KCNAB1: variants seen among roughly 807,000 people sequenced by gnomAD.
KCNAB1 encodes the protein voltage-gated potassium channel subunit beta-1.
A neutral mutation model predicts 64.6 loss-of-function variants in KCNAB1; 35 were observed. The observed-to-expected ratio is 0.54, with a 90% CI of 0.41 to 0.72. The LOEUF (loss-of-function observed/expected upper bound fraction) is 0.72. Ranked by LOEUF, KCNAB1 falls within the 30% of genes least tolerant of loss-of-function variation. The pLI is 0.00. For synonymous variants in KCNAB1, 177 were observed against 183.8 expected, an observed-to-expected ratio of 0.96 and a Z score of 0.30; for missense variants, 401 against 512.9, an observed-to-expected ratio of 0.78 and a Z score of 2.11.
In KCNAB1 at chr3:156,173,515, G is replaced by C. The variant is rs574195534; in HGVS notation, c.275+52629G>C. On this transcript the variant is annotated intron_variant, in intron 1 of 13. Coordinates refer to ENST00000490337, the MANE Select transcript of KCNAB1 (RefSeq NM_172160.3). Reference sequence around the variant, plus strand: ...GGTCAGTAGGAAAGAAAATAGCATAGTTCATCTGGGTTTTACTTCCAGGTC... The same window carrying C: ...GGTCAGTAGGAAAGAAAATAGCATACTTCATCTGGGTTTTACTTCCAGGTC... 8.5e-5 allele frequency among the ~76,000 whole-genome samples: 13 copies of C among 152,288 alleles called. No homozygotes were observed. In the South Asian group the frequency reaches 2.7e-3, roughly 32 times the overall value.
At chr3:156,493,267 T>C (rs1715763983) in intron 8 of KCNAB1, among the ~76,000 whole-genome samples, 1 of 152,086 alleles carries the variant, frequency 6.6e-6, no homozygotes, top group South Asian at 2.1e-4. Flanking sequence ...GACTTCTTCC[T>C]CAGTAACCAC....
chr3:156,521,742 A>C (rs984350680), intron 11 of KCNAB1, among the ~76,000 whole-genome samples: 1 of 152,130 alleles, frequency 6.6e-6, no homozygotes, highest in African/African-American at 2.4e-5. Context: ...CTCATCTCCT[A>C]TCTCTGCTAA....
chr3:156,518,854 A>T (rs1717745089), intron 11 of KCNAB1, among the ~76,000 whole-genome samples: 1 of 152,164 alleles, frequency 6.6e-6, no homozygotes, highest in African/African-American at 2.4e-5. Context: ...TGTGTCTATT[A>T]GACATCTCCA....
intron 8 of KCNAB1, among the ~76,000 whole-genome samples, chr3:156,481,781 G>T (rs1406470336): frequency 6.6e-6 from 1 of 152,068 alleles, no homozygotes; most frequent in African/African-American, 2.4e-5. Flanking sequence ...CTGTACACTT[G>T]GGAAAAGCTA....
chr3:156,284,340 G>A (rs916228583), intron 1 of KCNAB1, among the ~76,000 whole-genome samples: 2 of 152,206 alleles, frequency 1.3e-5, no homozygotes, highest in Non-Finnish European at 2.9e-5. Context: ...ATCTCCAGCT[G>A]CGTGCTCGGA....
At position 156,229,543 on chromosome 3, in the gene KCNAB1, AG is replaced by A. The variant is rs145357340; in HGVS notation, c.275+108658del. On this transcript the variant is annotated intron_variant, in intron 1 of 13. Coordinates refer to ENST00000490337, the MANE Select transcript of KCNAB1 (RefSeq NM_172160.3). ...GGAACACAATTATGTTGGATGCATT[AG>A]TGGAAAGGACAACACTTATTCATCC... 9.0e-3 allele frequency among the ~76,000 whole-genome samples: 1,372 copies of A among 152,346 alleles called. 32 individuals carry two copies. The highest frequency in any genetic ancestry group is 0.031 in the African/African-American group (1,272 of 41,580).
At chr3:156,159,725 T>A (rs761971541) in intron 1 of KCNAB1, among the ~76,000 whole-genome samples, 1 of 152,212 alleles carries the variant, frequency 6.6e-6, no homozygotes, top group Non-Finnish European at 1.5e-5. Context: ...TTTCTGAGGC[T>A]TGAAGAAGTT....
intron 1 of KCNAB1, among the ~76,000 whole-genome samples, chr3:156,358,539 A>G (rs954051056): frequency 1.3e-5 from 2 of 152,204 alleles, no homozygotes; most frequent in Admixed American, 6.5e-5. Context: ...CCTTGCAGCA[A>G]CTTACATCTC....
chr3:156,329,045 TAAA>T (rs111916271), intron 1 of KCNAB1, among the ~76,000 whole-genome samples: 1 of 152,034 alleles, frequency 6.6e-6, no homozygotes, highest in African/African-American at 2.4e-5. Context: ...CAGTGCGGTT[TAAA>T]AAAAACTTCC....
At chr3:156,284,491 C>T (rs1401717287) in intron 1 of KCNAB1, among the ~76,000 whole-genome samples, 1 of 152,222 alleles carries the variant, frequency 6.6e-6, no homozygotes, top group East Asian at 1.9e-4. Flanking sequence ...GTGGTGGGCT[C>T]CACCCAGTTT....
At chr3:156,369,427 A>T (rs1038655435) in intron 1 of KCNAB1, among the ~76,000 whole-genome samples, 1 of 152,250 alleles carries the variant, frequency 6.6e-6, no homozygotes, top group Admixed American at 6.5e-5. Context: ...TTCTGTAAGC[A>T]TATGTATTCG....
chr3:156,265,060 A>C (rs1009948555), intron 1 of KCNAB1, among the ~76,000 whole-genome samples: 2 of 152,118 alleles, frequency 1.3e-5, no homozygotes, highest in Non-Finnish European at 2.9e-5. Context: ...TTCTATATTC[A>C]GAATTGAATC....
intron 1 of KCNAB1, among the ~76,000 whole-genome samples, chr3:156,214,877 A>G (rs1405947942): frequency 1.3e-5 from 2 of 152,190 alleles, no homozygotes; most frequent in African/African-American, 4.8e-5. Context: ...CACGAAACAC[A>G]TCAGGCTGTC....
intron 1 of KCNAB1, among the ~76,000 whole-genome samples, chr3:156,147,564 C>T (rs1388494273): frequency 6.6e-6 from 1 of 151,918 alleles, no homozygotes; most frequent in Non-Finnish European, 1.5e-5. Flanking sequence ...TTAAGAATGA[C>T]AGGGCTTCTC....
chr3:156,232,754 T>G (rs542037663), intron 1 of KCNAB1, among the ~76,000 whole-genome samples: 57 of 152,324 alleles, frequency 3.7e-4, no homozygotes, highest in African/African-American at 1.1e-3. Context: ...ATTATTAAGG[T>G]TTTATAAACT....
intron 1 of KCNAB1, among the ~76,000 whole-genome samples, chr3:156,340,325 A>G (rs774277545): frequency 7.2e-5 from 11 of 152,232 alleles, no homozygotes; most frequent in Admixed American, 3.9e-4. Context: ...TCCTTCTGAA[A>G]GAGAGAAAAA....
At chr3:156,284,476 G>A (rs1231891539) in intron 1 of KCNAB1, among the ~76,000 whole-genome samples, 1 of 152,224 alleles carries the variant, frequency 6.6e-6, no homozygotes, top group Non-Finnish European at 1.5e-5. Context: ...AGGCCTCCTT[G>A]AGCTGTGGTG....
chr3:156,253,082 G>A (rs889112627), intron 1 of KCNAB1, among the ~76,000 whole-genome samples: 1 of 152,158 alleles, frequency 6.6e-6, no homozygotes, highest in African/African-American at 2.4e-5. Flanking sequence ...AGTAATATTT[G>A]GCCCAATTCA....
At chr3:156,284,321 C>G (rs939007807) in intron 1 of KCNAB1, among the ~76,000 whole-genome samples, 78 of 151,958 alleles carry the variant, frequency 5.1e-4, no homozygotes, top group African/African-American at 1.8e-3. Context: ...GCAGTCTGCC[C>G]GTTCTCAGAT....
Sources: allele counts gnomAD v4.1 joint callset (sites outside exome capture counted in the v4.1 genomes callset), GRCh38; gene constraint gnomAD v4.1.1; transcripts MANE v1.5; gene names NCBI Gene and HGNC (gene_info 2026-07-23, HGNC 2026-07-21).